PRRC2C: variants seen among roughly 807,000 people sequenced by gnomAD.
PRRC2C encodes protein PRRC2C.
A neutral mutation model predicts 317.2 loss-of-function variants in PRRC2C; 72 were observed. The ratio of observed to expected loss-of-function variants is 0.23; its 90% confidence interval spans 0.19 to 0.28. The LOEUF (loss-of-function observed/expected upper bound fraction) is 0.28, where lower values mean the gene tolerates loss of function less well. Among genes scored for constraint, PRRC2C ranks in the 10% least tolerant of loss-of-function variants. PRRC2C has a pLI of 1.00. For missense variants in PRRC2C, 3,074 were observed against 3,459.7 expected, an observed-to-expected ratio of 0.89 and a Z score of 2.80; for synonymous variants, 1,296 against 1,205.9, an observed-to-expected ratio of 1.07 and a Z score of -1.55.
intron 6 of PRRC2C, among the ~76,000 whole-genome samples, chr1:171,519,004 C>T (rs1673045374): frequency 6.6e-6 from 1 of 151,692 alleles, no homozygotes; most frequent in Non-Finnish European, 1.5e-5. Context: ...TAGCCTTAGC[C>T]TCCTGAGTAG....
chr1:171,557,173 G>T, intron 18 of PRRC2C, 67 bp from the exon 19 acceptor site: 1 of 1,463,098 alleles, frequency 6.8e-7, no homozygotes, highest in Non-Finnish European at 9.0e-7. Flanking sequence ...GTTGTTAAAA[G>T]TTGCATTTAT....
In PRRC2C at chr1:171,574,908, A is replaced by G. The variant is rs1179268360; in HGVS notation, c.6754-19A>G. ...TATTAACATCATTTTTTTACTATAA[A>G]ATGTCCGTTTTATTGCAGATGGAGT... On this transcript the variant is annotated intron_variant, in intron 24 of 34. Coordinates refer to ENST00000647382, the MANE Select transcript of PRRC2C (RefSeq NM_001387844.1). 3.1e-6 allele frequency: 5 copies of G among 1,609,444 alleles called. No homozygotes were observed. Among genetic ancestry groups the G allele is most frequent in the Non-Finnish European group, 3.4e-6 (4 of 1,177,112 alleles).
At chr1:171,566,944 A>G (rs1683771208) in intron 22 of PRRC2C, 101 bp downstream of exon 22, 2 of 1,255,072 alleles carry the variant, frequency 1.6e-6, no homozygotes, top group South Asian at 1.7e-5. Flanking sequence ...CTGCTGAGGC[A>G]TATAACTCTA....
At chr1:171,557,159 G>A in intron 18 of PRRC2C, 81 bp from the exon 19 acceptor site, 3 of 1,457,460 alleles carry the variant, frequency 2.1e-6, no homozygotes, top group Non-Finnish European at 2.7e-6. Flanking sequence ...CCAAGTTAGT[G>A]GGAGTTGTTA....
At position 171,560,999 on chromosome 1, in the gene PRRC2C, T is replaced by C. The variant is rs1192561797; in HGVS notation, c.6032-19T>C. On this transcript the variant is annotated intron_variant, in intron 19 of 34. Coordinates refer to ENST00000647382, the MANE Select transcript of PRRC2C (RefSeq NM_001387844.1). Reference sequence around the variant, plus strand: ...GACTCTAAATCTTAATCATGTTTTTTATGGCTTCTTCTTTCCAGTAGGTCC... The same window carrying C: ...GACTCTAAATCTTAATCATGTTTTTCATGGCTTCTTCTTTCCAGTAGGTCC... 3 of 1,545,686 alleles carry C rather than the reference T, an allele frequency of 1.9e-6. No homozygotes were observed. The highest frequency in any genetic ancestry group is 1.4e-5 in the African/African-American group (1 of 73,308).
chr1:171,541,676 G>T lies in PRRC2C; in HGVS notation c.4210G>T (p.Ala1404Ser), dbSNP rs1192312927. 4 of 1,613,784 alleles carry T rather than the reference G, an allele frequency of 2.5e-6. No individual in the cohort carries two copies. The African/African-American group carries it at 5.3e-5, about 22-fold the overall frequency. ...RRHEQFIPIA[A>S]DKRPPKFERK... The stretch of plus-strand genomic sequence containing the variant: ...ACATGAGCAGTTTATTCCTATAGCA[G>T]CAGATAAACGACCTCCAAAATTTGA... The change falls in exon 16 of 35, where the codon GCA (alanine) becomes TCA (serine). Residue 1404 changes from alanine to serine, a missense_variant. Coordinates refer to ENST00000647382, the MANE Select transcript of PRRC2C (RefSeq NM_001387844.1). This position sits in a 1 kb window ranked among gnomAD's most constrained non-coding sequence, Gnocchi z 4.1.
chr1:171,515,596 T>C, intron 4 of PRRC2C, 138 bp from the exon 5 acceptor site: 1 of 694,082 alleles, frequency 1.4e-6, no homozygotes, highest in South Asian at 2.9e-5. Flanking sequence ...AATTTTAAAG[T>C]GATATGGCTA....
Position 171,589,522 on chromosome 1 carries a change from G to A in PRRC2C, c.8353G>A (p.Val2785Ile). The change falls in exon 34 of 35, where the codon GTA becomes ATA. Residue 2785 changes from valine (V) to isoleucine (I), a missense_variant. Physicochemically the swap from Val to Ile is conservative, Grantham distance 29. Coordinates refer to ENST00000647382, the MANE Select transcript of PRRC2C (RefSeq NM_001387844.1). ...GLMSHARLPH[V>I]ARGPCGSLSG... The stretch of plus-strand genomic sequence containing the variant: ...CATGAGCCATGCTCGTTTGCCACAT[G>A]TAGCCAGGGGTCCTTGTGGATCACT... 1.6e-6 allele frequency: 2 copies of A among 1,289,804 alleles called. No individual in the cohort carries two copies. Among genetic ancestry groups the A allele is most frequent in the South Asian group, 1.2e-5 (1 of 81,028 alleles). 79.9% of individuals were successfully genotyped at this position (1,289,804 alleles called of 1,614,324 possible). A position where few individuals can be genotyped will look rare whatever the true frequency, so the allele number is the denominator to read the frequency against.
chr1:171,550,930 G>A (rs1265144913), intron 18 of PRRC2C, among the ~76,000 whole-genome samples: 1 of 152,116 alleles, frequency 6.6e-6, no homozygotes, highest in Non-Finnish European at 1.5e-5. Context: ...ATAAATATAC[G>A]TGTGCATGTG....
chr1:171,530,074 A>G (rs1675489196), intron 11 of PRRC2C, among the ~76,000 whole-genome samples: 1 of 152,170 alleles, frequency 6.6e-6, no homozygotes, highest in South Asian at 2.1e-4. Context: ...TCAAGTGTTC[A>G]TGAACTTGGA....
chr1:171,502,965 C>T (rs1173885288), intron 1 of PRRC2C, among the ~76,000 whole-genome samples: 10 of 152,276 alleles, frequency 6.6e-5, no homozygotes, highest in Admixed American at 1.3e-4. Flanking sequence ...TCAAATGATT[C>T]GCCTGCCTTG....
At chr1:171,566,498 A>C in intron 21 of PRRC2C, 77 bp downstream of exon 21, 1 of 1,481,848 alleles carries the variant, frequency 6.7e-7, no homozygotes, top group Non-Finnish European at 9.0e-7. Flanking sequence ...TTTAAAAGTG[A>C]ACTTAATTTT....
chr1:171,510,864 A>G (rs190250475), intron 1 of PRRC2C: 1 of 152,318 alleles, frequency 6.6e-6, no homozygotes, highest in Admixed American at 6.5e-5. Flanking sequence ...TCAAGACAGT[A>G]ACTACATTGT....
At chr1:171,493,992 A>C (rs1481796371) in intron 1 of PRRC2C, among the ~76,000 whole-genome samples, 1 of 152,244 alleles carries the variant, frequency 6.6e-6, no homozygotes, top group African/African-American at 2.4e-5. Flanking sequence ...CAGGTGAGGA[A>C]GTAAAAAATT....
At position 171,591,886 on chromosome 1, in the gene PRRC2C, G is replaced by GGCCCGCC; in HGVS notation, c.*39_*40insGCCCGCC. 2.1e-6 allele frequency: 1 copy of GGCCCGCC among 475,634 alleles called. No homozygotes were observed. The highest frequency in any genetic ancestry group is 3.7e-6 in the Non-Finnish European group (1 of 266,838). The allele number at this position is 475,634 out of a possible 1,614,324, so 29.5% of individuals were successfully genotyped here. ...TTGCAGGGGATTGGGAGGGGGGCGG[G>GGCCCGCC]AAAACATGGAGAATTAAGTCAGATA... On this transcript the variant is annotated 3_prime_UTR_variant, in exon 35 of 35. Transcript: ENST00000647382.
At chr1:171,533,028 G>A in intron 12 of PRRC2C, 67 bp downstream of exon 12, 3 of 1,404,672 alleles carry the variant, frequency 2.1e-6, no homozygotes, top group Non-Finnish European at 2.8e-6. Flanking sequence ...TACAGTTTGG[G>A]GTTTGTATAT....
At chr1:171,576,137 C>T (rs1449338833) in intron 25 of PRRC2C, among the ~76,000 whole-genome samples, 1 of 152,230 alleles carries the variant, frequency 6.6e-6, no homozygotes, top group African/African-American at 2.4e-5. Flanking sequence ...TCCTCCACCA[C>T]TCATTTGCCA....
At chr1:171,515,401 C>T (rs1445418409) in intron 4 of PRRC2C, among the ~76,000 whole-genome samples, 1 of 152,112 alleles carries the variant, frequency 6.6e-6, no homozygotes, top group African/African-American at 2.4e-5. Flanking sequence ...TGAACGAATT[C>T]TGAGAATTCT....
At chr1:171,492,113 G>A (rs1379608980) in intron 1 of PRRC2C, among the ~76,000 whole-genome samples, 1 of 152,176 alleles carries the variant, frequency 6.6e-6, no homozygotes, top group Non-Finnish European at 1.5e-5. Flanking sequence ...GATTTGTGGT[G>A]TACAGTTCTT....
Sources: gnomAD v4.1 joint callset for allele counts (sites outside exome capture counted in the v4.1 genomes callset) on GRCh38, gnomAD v4.1.1 for gene constraint, Gnocchi (gnomAD v3.1) non-coding constraint, MANE v1.5 for transcripts, NCBI Gene and HGNC (gene_info 2026-07-23, HGNC 2026-07-21) for gene names.